The following PCMT1 variants were observed in gnomAD, a reference collection of about 807,000 sequenced individuals.
PCMT1 encodes the protein protein-L-isoaspartate(D-aspartate) O-methyltransferase.
PCMT1 carries 9 observed loss-of-function variants against 29.2 expected under a neutral mutation model. The observed-to-expected ratio is 0.31, with a 90% CI of 0.19 to 0.54. PCMT1 has a LOEUF of 0.54. Ranked by LOEUF, PCMT1 falls within the 20% of genes least tolerant of loss-of-function variation. PCMT1 has a pLI of 0.95. For missense variants in PCMT1, 184 were observed against 282.2 expected (o/e 0.65, Z 2.49); for synonymous variants, 98 against 97.5 (o/e 1.00, Z -0.03).
intron 1 of PCMT1, among the ~76,000 whole-genome samples, chr6:149,760,327 A>G (rs1215039351): frequency 6.6e-6 from 1 of 152,120 alleles, no homozygotes; most frequent in African/African-American, 2.4e-5. Flanking sequence ...AGTTGCTATA[A>G]AAAAAGACCA....
Position 149,785,602 on chromosome 6 carries a change from GA to G in PCMT1, c.193-4351del, listed in dbSNP as rs1490572102. On this transcript the variant is annotated intron_variant, in intron 3 of 7. Transcript: ENST00000464889. ...TGGGTACTTGAGATTAGGGAGTGGT[GA>G]TGACTCTTAACGAGCACGCTGCCTT... 2.0e-5 allele frequency among the ~76,000 whole-genome samples: 3 copies of G among 151,976 alleles called. No individual in the cohort carries two copies. The East Asian group carries it at 5.8e-4, about 29-fold the overall frequency.
At chr6:149,805,463 A>G (rs527807176) in intron 7 of PCMT1, among the ~76,000 whole-genome samples, 68 of 151,880 alleles carry the variant, frequency 4.5e-4, no homozygotes, top group Middle Eastern at 3.4e-3. Context: ...GCGTGGTGGC[A>G]GGTACCTCTA....
rs193159327 is a variant in PCMT1 at position 149,756,554 on chromosome 6, G to A, written c.55+6598G>A. Reference sequence around the variant, plus strand: ...TTTTTTTTTTTTTTTTGGTAGAGACGGGGTTTTGTCATGTTGCCCAGGCAG... The same window carrying A: ...TTTTTTTTTTTTTTTTGGTAGAGACAGGGTTTTGTCATGTTGCCCAGGCAG... On this transcript the variant is annotated intron_variant, in intron 1 of 7. Coordinates refer to ENST00000464889, the MANE Select transcript of PCMT1 (RefSeq NM_001360452.2). Among the ~76,000 whole-genome samples the A allele has an allele frequency of 1.1e-4, 13 of 123,550 alleles. No individual in the cohort carries two copies. The East Asian group carries it at 1.2e-3, about 11-fold the overall frequency. The allele number at this position is 123,550 out of a possible 152,430, so 81.1% of individuals were successfully genotyped here.
chr6:149,799,216 A>C (rs1788725599), intron 6 of PCMT1: 1 of 152,306 alleles, frequency 6.6e-6, no homozygotes, highest in South Asian at 2.1e-4. Context: ...TGGGAGGCTG[A>C]GGTGGGAGGA....
intron 5 of PCMT1, chr6:149,794,699 A>G (rs1377324579): frequency 1.2e-5 from 5 of 404,584 alleles, no homozygotes; most frequent in Admixed American, 8.2e-5. Context: ...CTGAGGAGGA[A>G]GTGGAGGTGT....
At chr6:149,753,210 T>A (rs71568290) in intron 1 of PCMT1, among the ~76,000 whole-genome samples, 31 of 152,312 alleles carry the variant, frequency 2.0e-4, no homozygotes, top group African/African-American at 7.2e-4. Context: ...TATTCTACTG[T>A]GTATATTCTT....
intron 3 of PCMT1, among the ~76,000 whole-genome samples, chr6:149,781,486 A>G (rs1583032489): frequency 6.6e-6 from 1 of 151,916 alleles, no homozygotes; most frequent in South Asian, 2.1e-4. Flanking sequence ...CAGCCTCCCA[A>G]AGTGTTGGGA....
chr6:149,806,777 A>T (rs916102356), intron 7 of PCMT1, among the ~76,000 whole-genome samples: 1 of 151,820 alleles, frequency 6.6e-6, no homozygotes, highest in African/African-American at 2.4e-5. Context: ...TTTTTTGTAG[A>T]CAAGGGGTTT....
intron 1 of PCMT1, among the ~76,000 whole-genome samples, chr6:149,756,410 G>A (rs1172022800): frequency 4.1e-5 from 6 of 147,476 alleles, no homozygotes; most frequent in African/African-American, 7.5e-5. Flanking sequence ...GTGCCGTGGC[G>A]TGATCTTAGC....
intron 1 of PCMT1, among the ~76,000 whole-genome samples, chr6:149,762,587 A>G (rs866515464): frequency 4.1e-5 from 2 of 48,920 alleles, no homozygotes; most frequent in African/African-American, 3.7e-4. Context: ...TATGATATAT[A>G]TATCTATGAT....
At chr6:149,809,258 CA>C (rs1209712068) in intron 7 of PCMT1, among the ~76,000 whole-genome samples, 129 of 47,078 alleles carry the variant, frequency 2.7e-3, no homozygotes, top group Non-Finnish European at 3.5e-3. Context: ...GACTCTGTCT[CA>C]AAAAAAAAAA....
intron 4 of PCMT1, among the ~76,000 whole-genome samples, chr6:149,790,420 C>T (rs1788311915): frequency 6.6e-6 from 1 of 152,102 alleles, no homozygotes; most frequent in African/African-American, 2.4e-5. Flanking sequence ...TAAGCTCTAC[C>T]CTTGTAATCA....
chr6:149,796,804 G>T (rs1317196277), intron 6 of PCMT1: 4 of 182,838 alleles, frequency 2.2e-5, no homozygotes, highest in Non-Finnish European at 4.4e-5. Flanking sequence ...TTGTTTGTTT[G>T]TTTTTTGTTT....
chr6:149,791,732 A>G (rs1270438338), intron 4 of PCMT1, among the ~76,000 whole-genome samples: 1 of 152,224 alleles, frequency 6.6e-6, no homozygotes, highest in Non-Finnish European at 1.5e-5. Flanking sequence ...TTAAGTCCTC[A>G]TTAATGGATA....
At chr6:149,788,214 A>G (rs555094387) in intron 3 of PCMT1, among the ~76,000 whole-genome samples, 2 of 152,282 alleles carry the variant, frequency 1.3e-5, no homozygotes, top group East Asian at 1.9e-4. Context: ...TGCCCGGCCA[A>G]TGCTCTTTAC....
chr6:149,767,081 C>T lies in PCMT1; in HGVS notation c.56-4081C>T, dbSNP rs186256058. ...AAACTTAGCTGGATGTGGTGGCAGG[C>T]GCTTATAATCCCAGCTACTTGGGAG... On this transcript the variant is annotated intron_variant, in intron 1 of 7. Transcript: ENST00000464889. 7.4e-3 allele frequency among the ~76,000 whole-genome samples: 1,118 copies of T among 152,074 alleles called. 23 individuals carry two copies. Among genetic ancestry groups the T allele is most frequent in the African/African-American group, 0.026 (1,081 of 41,486 alleles).
At chr6:149,785,684 A>G (rs1236303598) in intron 3 of PCMT1, among the ~76,000 whole-genome samples, 1 of 152,040 alleles carries the variant, frequency 6.6e-6, no homozygotes, top group African/African-American at 2.4e-5. Context: ...TTTAACCCTG[A>G]GTGGACACAG....
At chr6:149,810,318 C>G (rs1776128087) in intron 7 of PCMT1, among the ~76,000 whole-genome samples, 1 of 152,120 alleles carries the variant, frequency 6.6e-6, no homozygotes, top group Non-Finnish European at 1.5e-5. Flanking sequence ...GACCGTAGAT[C>G]TAAAAGATAT....
intron 1 of PCMT1, among the ~76,000 whole-genome samples, chr6:149,750,996 T>C (rs1016374406): frequency 7.9e-5 from 12 of 152,196 alleles, no homozygotes; most frequent in African/African-American, 2.9e-4. Context: ...CGATTTGTAA[T>C]TTCCTTAACG....
Sources: gnomAD v4.1 joint callset for allele counts (sites outside exome capture counted in the v4.1 genomes callset) on GRCh38, gnomAD v4.1.1 for gene constraint, MANE v1.5 for transcripts, NCBI Gene and HGNC (gene_info 2026-07-23, HGNC 2026-07-21) for gene names.